MBD5: variants seen among roughly 807,000 people sequenced by gnomAD.
The protein encoded by MBD5 is methyl-CpG-binding domain protein 5.
In MBD5, 13 loss-of-function variants were observed where a neutral mutation model predicts 117.3. That is an observed-to-expected ratio of 0.11 (90% CI 0.07 to 0.18). MBD5 has a LOEUF of 0.18. Ranked by LOEUF, MBD5 falls within the 10% of genes least tolerant of loss-of-function variation. The pLI, the probability that MBD5 is intolerant of heterozygous loss-of-function variation, is 1.00. For missense variants in MBD5, 1,879 were observed against 2,093.8 expected (o/e 0.90, Z 2.00); for synonymous variants, 727 against 766.4 (o/e 0.95, Z 0.85).
At chr2:148,208,868 A>G (rs1430890468) in intron 2 of MBD5, among the ~76,000 whole-genome samples, 2 of 152,136 alleles carry the variant, frequency 1.3e-5, no homozygotes, top group African/African-American at 4.8e-5. Flanking sequence ...AGTATCATCA[A>G]ATACCTCTGT....
chr2:148,101,144 A>G (rs1696205791), intron 1 of MBD5, among the ~76,000 whole-genome samples: 1 of 152,126 alleles, frequency 6.6e-6, no homozygotes, highest in African/African-American at 2.4e-5. Flanking sequence ...ATTTGCAAAA[A>G]CGGAAAGAAA....
chr2:148,344,230 T>A (rs910723365), intron 4 of MBD5, among the ~76,000 whole-genome samples: 3 of 152,088 alleles, frequency 2.0e-5, no homozygotes, highest in Non-Finnish European at 2.9e-5. Context: ...TATAGTATAG[T>A]TTGAAGTTGG....
chr2:148,331,361 A>G (rs1405166159), intron 3 of MBD5, among the ~76,000 whole-genome samples: 1 of 143,474 alleles, frequency 7.0e-6, no homozygotes, highest in Non-Finnish European at 1.5e-5. Context: ...CCCAGATGCA[A>G]TCATTTTCCA....
intron 8 of MBD5, among the ~76,000 whole-genome samples, chr2:148,481,326 A>G (rs1681146409): frequency 1.3e-5 from 2 of 152,186 alleles, no homozygotes; most frequent in African/African-American, 2.4e-5. Context: ...CTATTAGGTG[A>G]AAACAAGAAG....
chr2:148,164,030 A>G (rs181537150), intron 1 of MBD5, among the ~76,000 whole-genome samples: 44 of 152,312 alleles, frequency 2.9e-4, no homozygotes, highest in Non-Finnish European at 4.0e-4. Flanking sequence ...CTATTTTTCT[A>G]GTAAGGCAAA....
intron 3 of MBD5, among the ~76,000 whole-genome samples, chr2:148,261,665 C>CT (rs1301681102): frequency 4.6e-5 from 7 of 152,200 alleles, no homozygotes; most frequent in African/African-American, 1.7e-4. Flanking sequence ...GTTTTGCTTT[C>CT]TTATCATTTG....
At chr2:148,328,429 C>T (rs551323625) in intron 3 of MBD5, among the ~76,000 whole-genome samples, 147 of 152,308 alleles carry the variant, frequency 9.7e-4, no homozygotes, top group Middle Eastern at 3.4e-3. Flanking sequence ...GGTGGGCGCC[C>T]CTCCCCTAGC....
intron 2 of MBD5, among the ~76,000 whole-genome samples, chr2:148,217,928 G>C (rs1046724619): frequency 6.6e-6 from 1 of 151,988 alleles, no homozygotes; most frequent in Non-Finnish European, 1.5e-5. Context: ...CTGATGGCCA[G>C]GCTTCCAAAC....
At chr2:148,059,100 C>T (rs986034164) in intron 1 of MBD5, among the ~76,000 whole-genome samples, 2 of 152,104 alleles carry the variant, frequency 1.3e-5, no homozygotes, top group African/African-American at 4.8e-5. Flanking sequence ...ACAAAGACTT[C>T]TAGATGAAGA....
At chr2:148,092,079 A>G (rs547498603) in intron 1 of MBD5, among the ~76,000 whole-genome samples, 38 of 152,318 alleles carry the variant, frequency 2.5e-4, no homozygotes, top group Middle Eastern at 3.4e-3. Context: ...ACTTATTATC[A>G]GGTAAATAAA....
At chr2:148,422,827 G>C (rs1305070100) in intron 4 of MBD5, among the ~76,000 whole-genome samples, 6 of 152,198 alleles carry the variant, frequency 3.9e-5, no homozygotes, top group African/African-American at 1.4e-4. Context: ...GTGGAAGAAA[G>C]GATATCAGAG....
At chr2:148,093,038 C>G (rs1260707566) in intron 1 of MBD5, among the ~76,000 whole-genome samples, 1 of 151,932 alleles carries the variant, frequency 6.6e-6, no homozygotes, top group Non-Finnish European at 1.5e-5. Flanking sequence ...CTGTCTCAGC[C>G]TCTCGCGTAG....
intron 4 of MBD5, among the ~76,000 whole-genome samples, chr2:148,385,351 A>G (rs1313983898): frequency 1.3e-5 from 2 of 152,252 alleles, no homozygotes; most frequent in African/African-American, 4.8e-5. Context: ...CAAAAGACAC[A>G]TGAAAAAATA....
chr2:148,093,042 C>T (rs1186423928), intron 1 of MBD5, among the ~76,000 whole-genome samples: 5 of 151,754 alleles, frequency 3.3e-5, no homozygotes, highest in African/African-American at 4.8e-5. Context: ...CTCAGCCTCT[C>T]GCGTAGGTGG....
chr2:148,255,762 T>G (rs1360890061), intron 3 of MBD5, among the ~76,000 whole-genome samples: 3 of 152,032 alleles, frequency 2.0e-5, no homozygotes, highest in Admixed American at 6.6e-5. Context: ...AAGACAGGAG[T>G]GTGACATGCA....
rs368914958 is a variant in MBD5 at position 148,345,221 on chromosome 2, C to CACACACACAA, written c.-557+2892_-557+2893insCAAACACACA. Among the ~76,000 whole-genome samples, 12 of 149,206 alleles carry CACACACACAA rather than the reference C, an allele frequency of 8.0e-5. 1 individual carries two copies. The highest frequency in any genetic ancestry group is 2.0e-4 in the African/African-American group (8 of 40,504). ...ATATACGTATATATGTATATATACA[C>CACACACACAA]ACACACATATATATACCCACACATA... On this transcript the variant is annotated intron_variant, in intron 4 of 13. Transcript: ENST00000642680.
chr2:148,333,324 T>G (rs1293550415), intron 3 of MBD5, among the ~76,000 whole-genome samples: 2 of 152,194 alleles, frequency 1.3e-5, no homozygotes, highest in African/African-American at 4.8e-5. Context: ...TTCCTAGATC[T>G]GACTGCTGTT....
chr2:148,259,708 A>T (rs1204006729), intron 3 of MBD5, among the ~76,000 whole-genome samples: 1 of 152,162 alleles, frequency 6.6e-6, no homozygotes, highest in Non-Finnish European at 1.5e-5. Context: ...TTTTACAGAC[A>T]ATAGTGGCTT....
intron 3 of MBD5, among the ~76,000 whole-genome samples, chr2:148,337,286 T>A (rs1259005714): frequency 1.3e-5 from 2 of 152,138 alleles, no homozygotes; most frequent in Non-Finnish European, 2.9e-5. Context: ...AGTGGTATGT[T>A]TTTACATAAA....
Sources: allele counts gnomAD v4.1 joint callset (sites outside exome capture counted in the v4.1 genomes callset), GRCh38; gene constraint gnomAD v4.1.1; transcripts MANE v1.5; gene names NCBI Gene and HGNC (gene_info 2026-07-23, HGNC 2026-07-21).